Variants in GSG1L observed in about 807,000 individuals in gnomAD.
GSG1L encodes the protein GSG1 like.
In GSG1L, 24 loss-of-function variants were observed where a neutral mutation model predicts 42.1. That is an observed-to-expected ratio of 0.57 (90% CI 0.41 to 0.80). The LOEUF is 0.80. GSG1L is among the 30% of genes least tolerant of loss of function. GSG1L has a pLI of 0.00. For synonymous variants in GSG1L, 215 were observed against 203.5 expected (o/e 1.06, Z -0.48); for missense variants, 445 against 472.2 (o/e 0.94, Z 0.53).
At chr16:27,933,273 T>C (rs1441392393) in intron 2 of GSG1L, among the ~76,000 whole-genome samples, 3 of 152,034 alleles carry the variant, frequency 2.0e-5, no homozygotes, top group African/African-American at 7.2e-5. Flanking sequence ...TTCTCCCGAG[T>C]TTCTGTCTCA....
rs1028959227 is a variant in GSG1L, at chr16:28,059,080, G to A, written c.349+3996C>T. Reference sequence around the variant, plus strand: ...CTCAGCCCAGGGTGGCGGCAACACCGAGGTGGTGCTCCCCACTCCCTGCCC... The same window carrying A: ...CTCAGCCCAGGGTGGCGGCAACACCAAGGTGGTGCTCCCCACTCCCTGCCC... On this transcript the variant is annotated intron_variant, in intron 1 of 6. Transcript: ENST00000447459. This position sits in a 1 kb window ranked among gnomAD's most constrained non-coding sequence, Gnocchi z 4.4. 1.1e-4 allele frequency among the ~76,000 whole-genome samples: 16 copies of A among 152,158 alleles called. No homozygotes were observed. The highest frequency in any genetic ancestry group is 3.1e-4 in the African/African-American group (13 of 41,456).
chr16:27,887,109 C>T (rs2084040366), intron 2 of GSG1L, among the ~76,000 whole-genome samples: 2 of 152,134 alleles, frequency 1.3e-5, no homozygotes, highest in South Asian at 4.2e-4. Context: ...GCATGCACCA[C>T]CATGCCCAGC....
At chr16:27,988,639 T>C (rs1424036212) in intron 1 of GSG1L, among the ~76,000 whole-genome samples, 1 of 152,016 alleles carries the variant, frequency 6.6e-6, no homozygotes, top group Non-Finnish European at 1.5e-5. Flanking sequence ...GCTTTTGTAT[T>C]GATAATACAC....
chr16:28,015,568 T>A (rs535867220), intron 1 of GSG1L, among the ~76,000 whole-genome samples: 98 of 152,296 alleles, frequency 6.4e-4, no homozygotes, highest in African/African-American at 2.2e-3. Flanking sequence ...TTGTAGAACA[T>A]CAGTGCTGAA....
Position 28,063,068 on chromosome 16 carries a change from G to A in GSG1L, c.349+8C>T. ...GAGCCGAGCTGGCCGCCGCCCGCGC[G>A]CACTCACCAAGCCCGCTGAGCTCCT... On this transcript the variant is annotated splice_region_variant and intron_variant, in intron 1 of 6. Coordinates refer to ENST00000447459, the MANE Select transcript of GSG1L (RefSeq NM_001109763.2). This position sits in a 1 kb window ranked among gnomAD's most constrained non-coding sequence, Gnocchi z 5.8. 5 of 1,407,438 alleles carry A rather than the reference G, an allele frequency of 3.6e-6. No homozygotes were observed. Among genetic ancestry groups the A allele is most frequent in the South Asian group, 1.4e-5 (1 of 71,918 alleles). 87.2% of individuals were successfully genotyped at this position (1,407,438 alleles called of 1,614,324 possible).
intron 2 of GSG1L, among the ~76,000 whole-genome samples, chr16:27,952,666 A>G (rs920747805): frequency 6.6e-6 from 1 of 152,230 alleles, no homozygotes; most frequent in Non-Finnish European, 1.5e-5. Context: ...TGCCCTGTGT[A>G]TGTTTGAGAG....
intron 1 of GSG1L, among the ~76,000 whole-genome samples, chr16:27,982,438 G>A (rs1018778008): frequency 7.2e-5 from 11 of 152,190 alleles, no homozygotes; most frequent in Non-Finnish European, 1.2e-4. Flanking sequence ...GTGTGTGTGC[G>A]TGAAGTGAGG....
At chr16:27,862,999 T>A (rs896514451) in intron 3 of GSG1L, among the ~76,000 whole-genome samples, 1 of 152,210 alleles carries the variant, frequency 6.6e-6, no homozygotes, top group African/African-American at 2.4e-5. Context: ...TATTGCTCAG[T>A]AGCTCAGTTC....
intron 1 of GSG1L, among the ~76,000 whole-genome samples, chr16:28,033,326 T>C (rs1378589821): frequency 2.0e-5 from 3 of 151,876 alleles, no homozygotes. Context: ...GTGGATAGAG[T>C]GTGATGTGAT....
intron 2 of GSG1L, among the ~76,000 whole-genome samples, chr16:27,915,208 C>CAT (rs951892292): frequency 7.2e-6 from 1 of 138,342 alleles, no homozygotes; most frequent in Non-Finnish European, 1.5e-5. Context: ...CACACACACA[C>CAT]ACACACACAC....
At chr16:27,907,099 G>T (rs1037259819) in intron 2 of GSG1L, among the ~76,000 whole-genome samples, 6 of 152,230 alleles carry the variant, frequency 3.9e-5, no homozygotes, top group Non-Finnish European at 8.8e-5. Context: ...CTCAAGCTGG[G>T]CCAATCAGAG....
At chr16:27,832,759 C>T (rs1228926810) in intron 4 of GSG1L, among the ~76,000 whole-genome samples, 1 of 152,296 alleles carries the variant, frequency 6.6e-6, no homozygotes, top group Non-Finnish European at 1.5e-5. Flanking sequence ...TCTGTGTATC[C>T]TCTTTGACAA....
At chr16:27,883,381 G>A (rs202203263) in intron 3 of GSG1L, among the ~76,000 whole-genome samples, 1 of 152,170 alleles carries the variant, frequency 6.6e-6, no homozygotes, top group Non-Finnish European at 1.5e-5. Flanking sequence ...TTGTCTGTGT[G>A]TTGTGACAAT....
At chr16:27,802,673 T>A (rs1225066494) in intron 6 of GSG1L, among the ~76,000 whole-genome samples, 1 of 152,010 alleles carries the variant, frequency 6.6e-6, no homozygotes, top group Non-Finnish European at 1.5e-5. Context: ...ACCCTACACA[T>A]TCTCCTCAGA....
In GSG1L at chr16:28,009,120, GTTTT is replaced by G. The variant is rs1334953629; in HGVS notation, c.350-45921_350-45918del. On this transcript the variant is annotated intron_variant, in intron 1 of 6. Transcript: ENST00000447459. ...CACGGTGCTTGGCCACATCAGTACTGTTTTAACTGCCCAGTTCTGAGCGCAGGTG... is the reference window on the plus strand; with the variant it reads ...CACGGTGCTTGGCCACATCAGTACTGAACTGCCCAGTTCTGAGCGCAGGTG... Among the ~76,000 whole-genome samples the G allele has an allele frequency of 2.0e-5, 3 of 152,098 alleles. No individual in the cohort carries two copies. The East Asian group carries it at 5.8e-4, about 29-fold the overall frequency.
In GSG1L at chr16:28,037,335, T is replaced by C. The variant is rs79991695; in HGVS notation, c.349+25741A>G. ...GCCACCACGCCCAGCCTTGCAAATT[T>C]ATCTTTGTATCTTTCTTAATTCTTA... On this transcript the variant is annotated intron_variant, in intron 1 of 6. Coordinates refer to ENST00000447459, the MANE Select transcript of GSG1L (RefSeq NM_001109763.2). Among the ~76,000 whole-genome samples the C allele has an allele frequency of 5.0e-3, 758 of 152,336 alleles. 8 individuals are homozygous for C. The highest frequency in any genetic ancestry group is 0.027 in the Middle Eastern group (8 of 294).
intron 1 of GSG1L, among the ~76,000 whole-genome samples, chr16:27,972,595 G>C (rs916684961): frequency 6.6e-6 from 1 of 152,212 alleles, no homozygotes; most frequent in East Asian, 1.9e-4. Flanking sequence ...ACTGGGGCTT[G>C]ACAATTAGAT....
intron 1 of GSG1L, among the ~76,000 whole-genome samples, chr16:27,982,105 T>C (rs1328171422): frequency 6.6e-5 from 10 of 152,236 alleles, no homozygotes; most frequent in Admixed American, 5.9e-4. Flanking sequence ...CCATGGCTCA[T>C]GCCTGTAATC....
intron 1 of GSG1L, among the ~76,000 whole-genome samples, chr16:28,013,717 G>A (rs1031878903): frequency 6.6e-6 from 1 of 152,216 alleles, no homozygotes; most frequent in African/African-American, 2.4e-5. Flanking sequence ...GCCACGTTAA[G>A]GCATCAAGGT....
Sources: allele counts gnomAD v4.1 joint callset (sites outside exome capture counted in the v4.1 genomes callset), GRCh38; gene constraint gnomAD v4.1.1; non-coding constraint Gnocchi (gnomAD v3.1); transcripts MANE v1.5; gene names NCBI Gene and HGNC (gene_info 2026-07-23, HGNC 2026-07-21).